The following DYNC1I1 variants were observed in gnomAD, a reference collection of about 807,000 sequenced individuals.
The protein encoded by DYNC1I1 is cytoplasmic dynein 1 intermediate chain 1.
DYNC1I1 carries 43 observed loss-of-function variants against 86.6 expected under a neutral mutation model. The ratio of observed to expected loss-of-function variants is 0.50; its 90% CI spans 0.39 to 0.64. The LOEUF (loss-of-function observed/expected upper bound fraction) is 0.64. DYNC1I1 is among the 30% of genes least tolerant of loss of function. DYNC1I1 has a pLI of 0.00. For synonymous variants in DYNC1I1, 262 were observed against 283.7 expected, an observed-to-expected ratio of 0.92 and a Z score of 0.77; for missense variants, 604 against 788.8, an observed-to-expected ratio of 0.77 and a Z score of 2.81.
intron 11 of DYNC1I1, 32 bp downstream of exon 11, chr7:96,028,353 C>A (rs1486699617): frequency 6.4e-7 from 1 of 1,567,960 alleles, no homozygotes; most frequent in Admixed American, 1.7e-5. Context: ...TCCCTGTGAG[C>A]CGCCAGGCCC....
At chr7:95,956,447 A>G (rs319341) in intron 6 of DYNC1I1, among the ~76,000 whole-genome samples, 121,044 of 150,540 alleles carry the variant, frequency 0.8, 48,956 homozygotes, top group East Asian at 0.92. Flanking sequence ...AGTTTGTTAC[A>G]TAGGTATACA....
chr7:95,780,661 C>G (rs1266267431), intron 1 of DYNC1I1, among the ~76,000 whole-genome samples: 1 of 152,082 alleles, frequency 6.6e-6, no homozygotes, highest in East Asian at 1.9e-4. Context: ...GAAGACTTCA[C>G]TAATTGTAAT....
intron 6 of DYNC1I1, among the ~76,000 whole-genome samples, chr7:95,942,065 G>T (rs556931282): frequency 6.6e-6 from 1 of 152,208 alleles, no homozygotes; most frequent in Middle Eastern, 3.4e-3. Flanking sequence ...ACCCTTCAAA[G>T]AATTAATGAA....
At chr7:95,939,415 T>A (rs1257114718) in intron 6 of DYNC1I1, among the ~76,000 whole-genome samples, 4 of 152,182 alleles carry the variant, frequency 2.6e-5, no homozygotes, top group Non-Finnish European at 5.9e-5. Context: ...TCTCCCATTA[T>A]TATTGTGTGG....
chr7:96,043,180 AAAAGAAAG>A (rs1181495341), intron 14 of DYNC1I1, among the ~76,000 whole-genome samples: 4 of 151,548 alleles, frequency 2.6e-5, no homozygotes, highest in African/African-American at 4.8e-5. Flanking sequence ...AAAAAAAAAA[AAAAGAAAG>A]AAAGAAAGAA....
intron 4 of DYNC1I1, among the ~76,000 whole-genome samples, chr7:95,816,614 G>GGTT (rs1794952086): frequency 6.6e-6 from 1 of 150,850 alleles, no homozygotes; most frequent in Non-Finnish European, 1.5e-5. Context: ...TTGTTGAAAA[G>GGTT]GTTAGTTTGA....
intron 6 of DYNC1I1, among the ~76,000 whole-genome samples, chr7:95,942,537 C>T (rs1454363274): frequency 1.3e-5 from 2 of 152,104 alleles, no homozygotes; most frequent in Non-Finnish European, 2.9e-5. Flanking sequence ...CCAGCATCAT[C>T]CTGATACCAA....
intron 8 of DYNC1I1, among the ~76,000 whole-genome samples, chr7:95,986,211 C>T (rs574524399): frequency 6.6e-5 from 10 of 152,232 alleles, no homozygotes; most frequent in East Asian, 3.9e-4. Flanking sequence ...TGATGCAGGG[C>T]GCAAGCCAGC....
chr7:95,946,152 G>T (rs913810823), intron 6 of DYNC1I1, among the ~76,000 whole-genome samples: 1 of 151,970 alleles, frequency 6.6e-6, no homozygotes, highest in East Asian at 1.9e-4. Context: ...GGGCCTGTCA[G>T]GGGGGCAGGG....
At chr7:95,884,759 C>A (rs1265690005) in intron 6 of DYNC1I1, among the ~76,000 whole-genome samples, 9 of 150,812 alleles carry the variant, frequency 6.0e-5, no homozygotes, top group Admixed American at 6.6e-5. Flanking sequence ...TATAGCGAGA[C>A]CCCGTTCTCC....
chr7:95,839,404 T>C (rs1562916726), intron 5 of DYNC1I1, among the ~76,000 whole-genome samples: 1 of 152,228 alleles, frequency 6.6e-6, no homozygotes, highest in Non-Finnish European at 1.5e-5. Context: ...ACATAAAATT[T>C]ATTATAGTGA....
chr7:95,791,716 A>G (rs2115720721), intron 1 of DYNC1I1, among the ~76,000 whole-genome samples: 1 of 152,350 alleles, frequency 6.6e-6, no homozygotes, highest in Non-Finnish European at 1.5e-5. Flanking sequence ...GGATTTTGCT[A>G]AATCATCCTT....
chr7:95,917,544 G>A (rs949838463), intron 6 of DYNC1I1, among the ~76,000 whole-genome samples: 4 of 152,050 alleles, frequency 2.6e-5, no homozygotes, highest in Non-Finnish European at 5.9e-5. Context: ...CACTTATATA[G>A]GTATATTTAC....
intron 16 of DYNC1I1, among the ~76,000 whole-genome samples, chr7:96,089,262 C>T (rs1790770417): frequency 6.6e-6 from 1 of 151,148 alleles, no homozygotes; most frequent in Non-Finnish European, 1.5e-5. Context: ...TGGAAGACCA[C>T]ATCCACAGAA....
downstream of DYNC1I1, among the ~76,000 whole-genome samples, chr7:96,101,100 C>T (rs1487181502): frequency 6.6e-6 from 1 of 152,006 alleles, no homozygotes; most frequent in Non-Finnish European, 1.5e-5. Flanking sequence ...TAGGTGGTGG[C>T]AGTTAACCAC....
intron 6 of DYNC1I1, among the ~76,000 whole-genome samples, chr7:95,951,869 C>G (rs964224867): frequency 6.6e-6 from 1 of 152,188 alleles, no homozygotes; most frequent in African/African-American, 2.4e-5. Flanking sequence ...AAGCACCTGT[C>G]CTGATGCTTC....
In DYNC1I1 at chr7:95,964,186, G is replaced by A. The variant is rs556498072; in HGVS notation, c.491-13326G>A. ...GATGGAAAATATATCAGTTCTCCCT[G>A]GGCTGGGAATTGGACACTAGAATGA... On this transcript the variant is annotated intron_variant, in intron 6 of 16. Transcript: ENST00000447467. Among the ~76,000 whole-genome samples the A allele has an allele frequency of 8.1e-4, 123 of 152,268 alleles. 5 individuals carry two copies. The South Asian group carries it at 0.025, about 31-fold the overall frequency.
chr7:95,915,946 A>G (rs1791457830), intron 6 of DYNC1I1, among the ~76,000 whole-genome samples: 1 of 152,206 alleles, frequency 6.6e-6, no homozygotes, highest in South Asian at 2.1e-4. Context: ...CAACAACAAC[A>G]AAGTGATCTC....
At chr7:96,043,716 AT>A (rs996230199) in intron 14 of DYNC1I1, among the ~76,000 whole-genome samples, 1,786 of 147,252 alleles carry the variant, frequency 0.012, 32 homozygotes, top group African/African-American at 0.038. Context: ...ATTTTTAGTA[AT>A]TTTTTTTTTT....
Sources: gnomAD v4.1 joint callset for allele counts (sites outside exome capture counted in the v4.1 genomes callset) on GRCh38, gnomAD v4.1.1 for gene constraint, MANE v1.5 for transcripts, NCBI Gene and HGNC (gene_info 2026-07-23, HGNC 2026-07-21) for gene names.